The following KIF13B variants were observed in gnomAD, a reference collection of about 807,000 sequenced individuals.
KIF13B encodes kinesin-like protein KIF13B.
Under a neutral mutation model 222.0 loss-of-function variants are expected in KIF13B, and 127 were observed. The observed-to-expected ratio is 0.57, with a 90% CI of 0.50 to 0.66. The LOEUF (loss-of-function observed/expected upper bound fraction) is 0.66. Among genes scored for constraint, KIF13B ranks in the 30% least tolerant of loss-of-function variants. KIF13B has a pLI of 0.00. For missense variants in KIF13B, 2,173 were observed against 2,379.0 expected (o/e 0.91, Z 1.80); for synonymous variants, 976 against 919.0 (o/e 1.06, Z -1.12).
At chr8:29,113,379 G>A (rs1187150370) in intron 32 of KIF13B, 84 bp downstream of exon 32, 2 of 724,572 alleles carry the variant, frequency 2.8e-6, no homozygotes, top group Non-Finnish European at 4.6e-6. Flanking sequence ...CACTTCATAT[G>A]TATGTCATGG....
rs185621129 is a variant in KIF13B, at chr8:29,109,963, G to A, written c.4038C>T (p.Ser1346=). The change falls in exon 33 of 40, where the codon AGC becomes AGT. Residue 1346 remains serine (S), a synonymous_variant. Transcript: ENST00000524189. The part of the protein sequence containing the change: ...SEAYIEKYLR[S]VLAVENLLTL... Reference sequence around the variant, plus strand: ...TCAGGAGGTTTTCTACAGCCAGCACGCTCCTGAGGTACTTTTCAATATAAG... The same window carrying A: ...TCAGGAGGTTTTCTACAGCCAGCACACTCCTGAGGTACTTTTCAATATAAG... The A allele has an allele frequency of 1.4e-5, 22 of 1,613,224 alleles. No individual in the cohort carries two copies. The Admixed American group carries it at 2.7e-4, about 20-fold the overall frequency.
chr8:29,214,184 T>C (rs962608621), intron 2 of KIF13B, among the ~76,000 whole-genome samples: 5 of 152,150 alleles, frequency 3.3e-5, no homozygotes, highest in Non-Finnish European at 5.9e-5. Flanking sequence ...TACGCTAAAT[T>C]TATTTTCAAA....
At chr8:29,199,574 C>CAAAAAAAAAA (rs10579222) in intron 2 of KIF13B, among the ~76,000 whole-genome samples, 1 of 119,454 alleles carries the variant, frequency 8.4e-6, no homozygotes, top group African/African-American at 3.2e-5. Flanking sequence ...TTCCAAAATC[C>CAAAAAAAAAA]AAAAAAAAAA....
intron 37 of KIF13B, 134 bp downstream of exon 37, chr8:29,092,611 G>A (rs1259911466): frequency 1.2e-5 from 10 of 848,832 alleles, no homozygotes; most frequent in South Asian, 1.9e-5. Context: ...AGAAAAGACC[G>A]ACAGCTGTTT....
chr8:29,074,107 C>T (rs987344085), intron 38 of KIF13B, among the ~76,000 whole-genome samples: 6 of 152,214 alleles, frequency 3.9e-5, no homozygotes, highest in Non-Finnish European at 7.3e-5. Flanking sequence ...CCCGCCCCCA[C>T]CCCGGGTAAG....
intron 37 of KIF13B, among the ~76,000 whole-genome samples, chr8:29,085,056 A>T (rs1032161507): frequency 4.6e-5 from 7 of 152,244 alleles, no homozygotes; most frequent in African/African-American, 1.4e-4. Flanking sequence ...AATTATACGA[A>T]TATCTTTGTT....
intron 11 of KIF13B, 132 bp from the exon 12 acceptor site, chr8:29,165,904 T>TTCGATTGTAGATCGAAGTACC (rs56100744): frequency 0.81 from 460,423 of 565,980 alleles, 192,273 homozygotes; most frequent in East Asian, 0.9. Flanking sequence ...TGACATCTAC[T>TTCGATTGTAGATCGAAGTACC]TCGATTGTAG....
intron 11 of KIF13B, among the ~76,000 whole-genome samples, chr8:29,166,339 AAG>A (rs1177842312): frequency 3.9e-5 from 6 of 152,356 alleles, no homozygotes; most frequent in Admixed American, 1.3e-4. Flanking sequence ...AGGTATGAGA[AAG>A]AAAGCAAACT....
chr8:29,126,100 AAAAC>A (rs1048911621), intron 26 of KIF13B, among the ~76,000 whole-genome samples: 17 of 152,120 alleles, frequency 1.1e-4, no homozygotes, highest in African/African-American at 3.4e-4. Flanking sequence ...AAAAAAAACA[AAAAC>A]AAACAAAAAA....
chr8:29,196,903 G>A (rs1001760906), intron 2 of KIF13B, among the ~76,000 whole-genome samples: 5 of 152,086 alleles, frequency 3.3e-5, no homozygotes, highest in Admixed American at 1.3e-4. Flanking sequence ...GAGCATTTTG[G>A]ATTTTCTATG....
intron 25 of KIF13B, 141 bp from the exon 26 acceptor site, chr8:29,126,652 C>A: frequency 1.5e-6 from 1 of 650,848 alleles, no homozygotes; most frequent in Non-Finnish European, 2.7e-6. Flanking sequence ...CCTACCCACA[C>A]CCTCACTCTG....
intron 11 of KIF13B, among the ~76,000 whole-genome samples, chr8:29,166,879 G>T (rs942300581): frequency 6.6e-6 from 1 of 152,048 alleles, no homozygotes; most frequent in Non-Finnish European, 1.5e-5. Context: ...CTAAATACAT[G>T]GGTACTTCTA....
intron 6 of KIF13B, among the ~76,000 whole-genome samples, chr8:29,185,861 C>G (rs1381622051): frequency 5.9e-5 from 9 of 152,246 alleles, no homozygotes; most frequent in Admixed American, 4.6e-4. Flanking sequence ...ATACCGTGCA[C>G]TTTCCTCACT....
At chr8:29,196,542 CT>C (rs1035818370) in intron 2 of KIF13B, among the ~76,000 whole-genome samples, 6 of 152,044 alleles carry the variant, frequency 3.9e-5, no homozygotes, top group Admixed American at 2.6e-4. Context: ...TAATCTTTTA[CT>C]TTTTTATCAT....
At chr8:29,080,718 T>C (rs1807770786) in intron 37 of KIF13B, among the ~76,000 whole-genome samples, 2 of 152,164 alleles carry the variant, frequency 1.3e-5, no homozygotes, top group South Asian at 4.1e-4. Context: ...AAGGGGATGA[T>C]CCCATCTACA....
At chr8:29,142,393 T>C (rs959476595) in intron 18 of KIF13B, 90 bp from the exon 19 acceptor site, 9 of 1,137,262 alleles carry the variant, frequency 7.9e-6, no homozygotes, top group African/African-American at 7.8e-5. Context: ...CAAATGTCAT[T>C]ACACCAAAAC....
intron 12 of KIF13B, among the ~76,000 whole-genome samples, chr8:29,161,643 C>T (rs1811778907): frequency 6.6e-6 from 1 of 151,874 alleles, no homozygotes; most frequent in South Asian, 2.1e-4. Context: ...TTGTGGTGAG[C>T]CGAGATCATG....
At chr8:29,162,772 T>C (rs1811837760) in intron 12 of KIF13B, among the ~76,000 whole-genome samples, 1 of 152,230 alleles carries the variant, frequency 6.6e-6, no homozygotes, top group South Asian at 2.1e-4. Flanking sequence ...GTTTGTAACA[T>C]CTAGGAATCA....
intron 38 of KIF13B, among the ~76,000 whole-genome samples, chr8:29,072,935 G>C (rs778086228): frequency 2.6e-5 from 4 of 151,954 alleles, no homozygotes; most frequent in Admixed American, 1.3e-4. Flanking sequence ...GCACTTTTTT[G>C]TCCGGCAAAA....
Sources: gnomAD v4.1 joint callset for allele counts (sites outside exome capture counted in the v4.1 genomes callset) on GRCh38, gnomAD v4.1.1 for gene constraint, MANE v1.5 for transcripts, NCBI Gene and HGNC (gene_info 2026-07-23, HGNC 2026-07-21) for gene names.